WDFY3: variants seen among roughly 807,000 people sequenced by gnomAD.
WDFY3 encodes the protein WD repeat and FYVE domain containing 3, also known as WD repeat and FYVE domain-containing protein 3.
WDFY3 carries 66 observed loss-of-function variants against 409.6 expected under a neutral mutation model. That is an observed-to-expected ratio of 0.16 (90% CI 0.13 to 0.20). The LOEUF is 0.20. Among genes scored for constraint, WDFY3 ranks in the 10% least tolerant of loss-of-function variants. WDFY3 has a pLI of 1.00. For missense variants in WDFY3, 3,031 were observed against 4,298.1 expected (o/e 0.71, Z 8.24); for synonymous variants, 1,521 against 1,537.1 (o/e 0.99, Z 0.25).
At chr4:84,773,306 AAAATACAGTTCTTCG>A (rs1744990568) in intron 29 of WDFY3, among the ~76,000 whole-genome samples, 1 of 152,236 alleles carries the variant, frequency 6.6e-6, no homozygotes, top group Admixed American at 6.5e-5. Context: ...AAATATGGGG[AAAATACAGTTCTTCG>A]AAATATGAAT....
chr4:84,876,580 T>C (rs963937597), intron 3 of WDFY3, among the ~76,000 whole-genome samples: 1 of 152,134 alleles, frequency 6.6e-6, no homozygotes, highest in African/African-American at 2.4e-5. Context: ...TACCAGTAAA[T>C]GGTTATTTAT....
chr4:84,695,553 G>GAGAGA (rs1193005670), intron 58 of WDFY3, among the ~76,000 whole-genome samples: 1 of 138,220 alleles, frequency 7.2e-6, no homozygotes, highest in Non-Finnish European at 1.6e-5. Flanking sequence ...GAGAGAGAGA[G>GAGAGA]GCACGCATAG....
chr4:84,826,947 C>G lies in WDFY3; in HGVS notation c.991G>C (p.Ala331Pro). The G allele has an allele frequency of 6.2e-7, 1 of 1,608,508 alleles. No homozygotes were observed. The highest frequency in any genetic ancestry group is 1.3e-5 in the African/African-American group (1 of 74,642). The change falls in exon 10 of 68, where the codon GCC becomes CCC. Residue 331 changes from alanine (A) to proline (P), a missense_variant. Around this residue, in one of 16 missense-constraint regions of WDFY3, gnomAD observed 1,322 missense variants for 1,697.9 expected, o/e 0.78. Transcript: ENST00000295888. ...ATCAGATTAACCAGATCTTTCAAGG[C>G]ATCTTTGGATTCTGCCTCTTTTGCT... is the stretch of plus-strand genomic sequence containing the variant. ...EQAKEAESKDALKDLVNLITS... is the reference protein window; with the variant it reads ...EQAKEAESKDPLKDLVNLITS...
At chr4:84,703,804 T>C (rs1316508539) in intron 55 of WDFY3, among the ~76,000 whole-genome samples, 1 of 152,210 alleles carries the variant, frequency 6.6e-6, no homozygotes, top group Non-Finnish European at 1.5e-5. Flanking sequence ...ATCTTTCTGA[T>C]AGCTTTTATC....
At chr4:84,853,779 A>G (rs1284417683) in intron 4 of WDFY3, among the ~76,000 whole-genome samples, 1 of 152,224 alleles carries the variant, frequency 6.6e-6, no homozygotes, top group African/African-American at 2.4e-5. Flanking sequence ...GCTTGAATTT[A>G]CCAACCCAAA....
chr4:84,916,622 T>C (rs1229384976), intron 2 of WDFY3, among the ~76,000 whole-genome samples: 5 of 152,134 alleles, frequency 3.3e-5, no homozygotes, highest in Admixed American at 6.5e-5. Context: ...TTGTTCCAAA[T>C]AGAATACAAG....
chr4:84,822,599 T>C (rs1260119586), intron 10 of WDFY3, among the ~76,000 whole-genome samples: 1 of 151,790 alleles, frequency 6.6e-6, no homozygotes, highest in East Asian at 1.9e-4. Context: ...CTCAGGAGGC[T>C]GAGGCAGGAG....
intron 23 of WDFY3, among the ~76,000 whole-genome samples, chr4:84,786,828 T>C (rs961364180): frequency 1.3e-5 from 2 of 152,204 alleles, no homozygotes; most frequent in African/African-American, 4.8e-5. Context: ...TTTTATTAGA[T>C]ACCATCTAAA....
intron 3 of WDFY3, among the ~76,000 whole-genome samples, chr4:84,869,991 G>A (rs1761935188): frequency 6.6e-6 from 1 of 152,144 alleles, no homozygotes; most frequent in South Asian, 2.1e-4. Context: ...ACACATATAA[G>A]TCAACAAGAA....
chr4:84,702,889 G>A (rs1488989391), intron 55 of WDFY3, among the ~76,000 whole-genome samples: 1 of 152,140 alleles, frequency 6.6e-6, no homozygotes, highest in Non-Finnish European at 1.5e-5. Flanking sequence ...GAGGTCAGGA[G>A]ATCGAGACCA....
chr4:84,732,835 C>A (rs1332809149), intron 44 of WDFY3, among the ~76,000 whole-genome samples: 1 of 151,992 alleles, frequency 6.6e-6, no homozygotes, highest in Non-Finnish European at 1.5e-5. Flanking sequence ...TGGGGTTAAA[C>A]CAATCAGTAC....
intron 67 of WDFY3, among the ~76,000 whole-genome samples, chr4:84,675,664 T>C (rs531701437): frequency 5.1e-4 from 78 of 152,284 alleles, no homozygotes; most frequent in South Asian, 1.0e-3. Flanking sequence ...ATGCTGCCTA[T>C]AAAACCTCAG....
At chr4:84,947,688 T>C (rs1225564892) in intron 1 of WDFY3, among the ~76,000 whole-genome samples, 1 of 125,080 alleles carries the variant, frequency 8.0e-6, no homozygotes, top group African/African-American at 3.1e-5. Context: ...CTGAGCAACA[T>C]ATCAAAAAAC....
intron 2 of WDFY3, among the ~76,000 whole-genome samples, chr4:84,904,964 C>T (rs949675517): frequency 9.2e-5 from 14 of 151,742 alleles, no homozygotes; most frequent in Admixed American, 9.2e-4. Context: ...GTCCCTGGGG[C>T]CCAGCTGTCT....
chr4:84,809,555 A>C (rs180919665), intron 14 of WDFY3: 1 of 198,976 alleles, frequency 5.0e-6, no homozygotes, highest in African/African-American at 2.3e-5. Context: ...ACACATATCA[A>C]TAAGTCCAGA....
intron 49 of WDFY3, among the ~76,000 whole-genome samples, chr4:84,716,264 C>T (rs1001553249): frequency 1.3e-5 from 2 of 150,466 alleles, no homozygotes; most frequent in Admixed American, 6.7e-5. Flanking sequence ...GGTGAAACCC[C>T]GTCTCTACTA....
Position 84,885,200 on chromosome 4 carries a change from C to T in WDFY3, c.-32+11711G>A, listed in dbSNP as rs541034294. On this transcript the variant is annotated intron_variant, in intron 3 of 67. Transcript: ENST00000295888. Reference sequence around the variant, plus strand: ...TTGTATTTTTGTAGAGATGGGGATTCCACCATGTTGGCCAGGCTGGTCTTG... The same window carrying T: ...TTGTATTTTTGTAGAGATGGGGATTTCACCATGTTGGCCAGGCTGGTCTTG... 2.0e-5 allele frequency among the ~76,000 whole-genome samples: 3 copies of T among 151,722 alleles called. No homozygotes were observed. In the South Asian group the frequency reaches 6.2e-4, roughly 32 times the overall value.
intron 26 of WDFY3, among the ~76,000 whole-genome samples, chr4:84,779,438 A>C (rs1160650935): frequency 1.4e-5 from 2 of 141,334 alleles, no homozygotes; most frequent in Non-Finnish European, 3.1e-5. Context: ...TTTTTTTTTG[A>C]GTCTTGCTCC....
At chr4:84,755,549 T>G in intron 33 of WDFY3, 149 bp from the exon 34 acceptor site, 1 of 838,554 alleles carries the variant, frequency 1.2e-6, no homozygotes, top group South Asian at 2.2e-5. Flanking sequence ...ACTAGTACCC[T>G]TCCATCCTAC....
Sources: allele counts gnomAD v4.1 joint callset (sites outside exome capture counted in the v4.1 genomes callset), GRCh38; gene constraint gnomAD v4.1.1; regional missense constraint gnomAD v4.1.1; transcripts MANE v1.5; gene names NCBI Gene and HGNC (gene_info 2026-07-23, HGNC 2026-07-21).